The following CACNB2 variants were observed in gnomAD, a reference collection of about 807,000 sequenced individuals.
CACNB2 encodes the protein calcium voltage-gated channel auxiliary subunit beta 2.
CACNB2 carries 42 observed loss-of-function variants against 73.3 expected under a neutral mutation model. The ratio of observed to expected loss-of-function variants is 0.57; its 90% CI spans 0.45 to 0.74. The LOEUF (loss-of-function observed/expected upper bound fraction) is 0.74, where lower values mean the gene tolerates loss of function less well. Among genes scored for constraint, CACNB2 ranks in the 30% least tolerant of loss-of-function variants. The pLI, the probability that CACNB2 is intolerant of heterozygous loss-of-function variation, is 0.00. For synonymous variants in CACNB2, 348 were observed against 310.3 expected (o/e 1.12, Z -1.28); for missense variants, 940 against 853.0 (o/e 1.10, Z -1.27).
chr10:18,327,386 C>T (rs1004861169), intron 2 of CACNB2, among the ~76,000 whole-genome samples: 4 of 152,088 alleles, frequency 2.6e-5, no homozygotes, highest in Non-Finnish European at 4.4e-5. Flanking sequence ...ATATGCACAT[C>T]TGGAAATCCT....
intron 3 of CACNB2, among the ~76,000 whole-genome samples, chr10:18,455,077 G>A (rs2047211709): frequency 2.0e-5 from 3 of 150,390 alleles, no homozygotes; most frequent in South Asian, 2.1e-4. Flanking sequence ...ACTCATTGAC[G>A]TGAAAAGTCA....
intron 2 of CACNB2, among the ~76,000 whole-genome samples, chr10:18,330,435 G>A (rs1279685170): frequency 6.6e-6 from 1 of 152,056 alleles, no homozygotes; most frequent in East Asian, 1.9e-4. Context: ...AGGAACACTC[G>A]AGCCTAGGAG....
intron 2 of CACNB2, among the ~76,000 whole-genome samples, chr10:18,373,561 G>T (rs934316864): frequency 6.6e-6 from 1 of 152,148 alleles, no homozygotes; most frequent in Non-Finnish European, 1.5e-5. Context: ...GTTCATAAGA[G>T]GTAGAACCAG....
intron 2 of CACNB2, among the ~76,000 whole-genome samples, chr10:18,339,214 G>A (rs2041137194): frequency 6.6e-6 from 1 of 152,062 alleles, no homozygotes. Flanking sequence ...TAATGTGACT[G>A]TACCAGTTTA....
At chr10:18,300,106 C>T (rs960473642) in intron 2 of CACNB2, among the ~76,000 whole-genome samples, 1 of 152,058 alleles carries the variant, frequency 6.6e-6, no homozygotes, top group Non-Finnish European at 1.5e-5. Flanking sequence ...ACTGCAACCT[C>T]CACCTCCCGG....
At chr10:18,198,126 AAT>A (rs1438018094) in intron 2 of CACNB2, among the ~76,000 whole-genome samples, 2 of 148,224 alleles carry the variant, frequency 1.3e-5, no homozygotes, top group East Asian at 1.9e-4. Flanking sequence ...ACATATATGT[AAT>A]ATATTAATAT....
At chr10:18,471,250 G>A (rs916320915) in intron 3 of CACNB2, among the ~76,000 whole-genome samples, 2 of 152,184 alleles carry the variant, frequency 1.3e-5, no homozygotes, top group African/African-American at 4.8e-5. Context: ...AGGTTGCATT[G>A]AGCCAAGATC....
chr10:18,275,873 G>C (rs894138445), intron 2 of CACNB2, among the ~76,000 whole-genome samples: 3 of 152,062 alleles, frequency 2.0e-5, no homozygotes, highest in Non-Finnish European at 4.4e-5. Context: ...TTTGAAGTAG[G>C]ACTTTACTAT....
chr10:18,159,895 A>T (rs887217170), intron 2 of CACNB2, among the ~76,000 whole-genome samples: 1 of 152,124 alleles, frequency 6.6e-6, no homozygotes, highest in Non-Finnish European at 1.5e-5. Context: ...ATTTCCTGTA[A>T]ATTTCTTTTT....
chr10:18,185,348 T>A (rs1039120927), intron 2 of CACNB2, among the ~76,000 whole-genome samples: 2 of 152,190 alleles, frequency 1.3e-5, no homozygotes, highest in Non-Finnish European at 2.9e-5. Context: ...ATCAGATGAG[T>A]TAAATTGTAT....
intron 3 of CACNB2, among the ~76,000 whole-genome samples, chr10:18,462,916 G>A (rs1450600784): frequency 6.6e-6 from 1 of 151,690 alleles, no homozygotes; most frequent in Non-Finnish European, 1.5e-5. Flanking sequence ...GTGCCACCAC[G>A]CCCAGCTAAT....
intron 2 of CACNB2, among the ~76,000 whole-genome samples, chr10:18,262,187 G>T (rs2037579101): frequency 1.3e-5 from 2 of 152,186 alleles, no homozygotes; most frequent in South Asian, 4.2e-4. Flanking sequence ...AATACTTAAA[G>T]TATTGAAGGT....
intron 1 of CACNB2, among the ~76,000 whole-genome samples, chr10:18,144,352 T>A (rs762138237): frequency 5.3e-5 from 8 of 152,202 alleles, no homozygotes; most frequent in African/African-American, 1.4e-4. Flanking sequence ...AGTGCTGGGA[T>A]TACAGGCGTG....
intron 2 of CACNB2, among the ~76,000 whole-genome samples, chr10:18,322,437 T>A (rs1171450667): frequency 6.6e-6 from 1 of 152,200 alleles, no homozygotes; most frequent in Non-Finnish European, 1.5e-5. Context: ...CAATCAGTAA[T>A]TTGTTTTTGT....
At chr10:18,414,418 C>T (rs1352354273) in intron 3 of CACNB2, among the ~76,000 whole-genome samples, 2 of 149,798 alleles carry the variant, frequency 1.3e-5, no homozygotes, top group Non-Finnish European at 1.5e-5. Flanking sequence ...TTTTAACTTT[C>T]TTATGGGTAA....
chr10:18,267,649 T>C (rs776231308), intron 2 of CACNB2, among the ~76,000 whole-genome samples: 17 of 152,128 alleles, frequency 1.1e-4, no homozygotes, highest in Non-Finnish European at 2.2e-4. Flanking sequence ...AGGTAAACTT[T>C]CATATAAACA....
chr10:18,354,338 T>C lies in CACNB2; in HGVS notation c.214-47586T>C, dbSNP rs575495003. Among the ~76,000 whole-genome samples the C allele has an allele frequency of 4.6e-5, 7 of 152,238 alleles. No homozygotes were observed. The South Asian group carries it at 6.2e-4, about 14-fold the overall frequency. ...GAAGAGTCTCCTTGGTGAGGTCCTA[T>C]GAGAACTTTCCACTGTGCCTGGTCC... On this transcript the variant is annotated intron_variant, in intron 2 of 13. Coordinates refer to ENST00000324631, the MANE Select transcript of CACNB2 (RefSeq NM_201596.3).
chr10:18,464,384 C>T (rs1324102821), intron 3 of CACNB2, among the ~76,000 whole-genome samples: 1 of 130,948 alleles, frequency 7.6e-6, no homozygotes, highest in Non-Finnish European at 1.6e-5. Flanking sequence ...AGCCTTCCAG[C>T]CCGGGCAACA....
intron 2 of CACNB2, among the ~76,000 whole-genome samples, chr10:18,342,741 G>C (rs968386105): frequency 1.3e-5 from 2 of 152,000 alleles, no homozygotes; most frequent in East Asian, 3.8e-4. Context: ...TTTAAATTCA[G>C]TCTTTCTCAA....
Sources: gnomAD v4.1 joint callset for allele counts (sites outside exome capture counted in the v4.1 genomes callset) on GRCh38, gnomAD v4.1.1 for gene constraint, MANE v1.5 for transcripts, NCBI Gene and HGNC (gene_info 2026-07-23, HGNC 2026-07-21) for gene names.